Variants in NOX4 observed in about 807,000 individuals in gnomAD.
The protein encoded by NOX4 is kidney oxidase-1.
Under a neutral mutation model 87.6 loss-of-function variants are expected in NOX4, and 69 were observed. That is an observed-to-expected ratio of 0.79 (90% CI 0.65 to 0.96). NOX4 has a LOEUF of 0.96. Among genes scored for constraint, NOX4 ranks in the 40% least tolerant of loss-of-function variants. NOX4 has a pLI of 0.00. For synonymous variants in NOX4, 275 were observed against 238.2 expected, an observed-to-expected ratio of 1.15 and a Z score of -1.42; for missense variants, 680 against 681.5, an observed-to-expected ratio of 1.00 and a Z score of 0.02.
At chr11:89,427,339 G>C (rs1040931948) in intron 7 of NOX4, among the ~76,000 whole-genome samples, 1 of 152,172 alleles carries the variant, frequency 6.6e-6, no homozygotes, top group African/African-American at 2.4e-5. Context: ...AAGGAACGCA[G>C]CTCCTCACTA....
chr11:89,441,628 G>C (rs1339743006), intron 5 of NOX4, among the ~76,000 whole-genome samples: 2 of 152,000 alleles, frequency 1.3e-5, no homozygotes, highest in African/African-American at 4.8e-5. Flanking sequence ...TAAGAAAACT[G>C]AATATATAAA....
At chr11:89,381,892 C>T (rs1388983062) in intron 11 of NOX4, among the ~76,000 whole-genome samples, 1 of 152,192 alleles carries the variant, frequency 6.6e-6, no homozygotes, top group Non-Finnish European at 1.5e-5. Flanking sequence ...AATCTTGGTG[C>T]CACCCTTGGG....
intron 7 of NOX4, among the ~76,000 whole-genome samples, chr11:89,427,532 C>A (rs571383556): frequency 1.3e-5 from 2 of 152,172 alleles, no homozygotes; most frequent in East Asian, 3.9e-4. Flanking sequence ...CCTTAAATGA[C>A]CTGATGGAGC....
rs184413406 is a variant in NOX4, at chr11:89,371,459, G to T, written c.1135+1973C>A. On this transcript the variant is annotated intron_variant, in intron 12 of 17. Transcript: ENST00000263317. ...ACATCATTTATTTTAATGAGCTACT[G>T]GTAATAAAAAATAACTTTGTGAAAA... Among the ~76,000 whole-genome samples the T allele has an allele frequency of 3.2e-3, 492 of 151,818 alleles. 3 individuals are homozygous for T. Among genetic ancestry groups the T allele is most frequent in the African/African-American group, 0.011 (470 of 41,506 alleles).
chr11:89,352,572 A>G (rs1198692622), intron 13 of NOX4, among the ~76,000 whole-genome samples: 1 of 152,206 alleles, frequency 6.6e-6, no homozygotes, highest in Non-Finnish European at 1.5e-5. Context: ...AGGAAGTCAT[A>G]ATATCAACAT....
chr11:89,586,562 T>C, the NOX4 span, among the ~76,000 whole-genome samples: 2 of 152,278 alleles, frequency 1.3e-5, no homozygotes, highest in East Asian at 1.9e-4. Context: ...GCACTGGTAA[T>C]ATAAAGATCA....
rs527709258 is a variant in NOX4, at chr11:89,428,832, C to A, written c.548+3952G>T. Reference sequence around the variant, plus strand: ...GAGACAGAAAGTTAACAAGGATATCCAGGAATTGAACTCAGCTCTGCACCA... The same window carrying A: ...GAGACAGAAAGTTAACAAGGATATCAAGGAATTGAACTCAGCTCTGCACCA... On this transcript the variant is annotated intron_variant, in intron 7 of 17. Coordinates refer to ENST00000263317, the MANE Select transcript of NOX4 (RefSeq NM_016931.5). Among the ~76,000 whole-genome samples, 3 of 152,212 alleles carry A rather than the reference C, an allele frequency of 2.0e-5. No homozygotes were observed. The East Asian group carries it at 5.8e-4, about 29-fold the overall frequency.
At chr11:89,463,404 T>C (rs1201499874) in intron 2 of NOX4, among the ~76,000 whole-genome samples, 1 of 152,008 alleles carries the variant, frequency 6.6e-6, no homozygotes, top group Non-Finnish European at 1.5e-5. Context: ...CCACACTTTT[T>C]ATATGAATAG....
the NOX4 span, among the ~76,000 whole-genome samples, chr11:89,552,587 C>A: frequency 6.6e-6 from 1 of 152,156 alleles, no homozygotes; most frequent in Non-Finnish European, 1.5e-5. Flanking sequence ...TCCTCAGTTA[C>A]ATTTATTTAT....
intron 13 of NOX4, among the ~76,000 whole-genome samples, chr11:89,351,698 G>A (rs918290705): frequency 3.8e-4 from 58 of 152,142 alleles, no homozygotes; most frequent in African/African-American, 1.2e-3. Flanking sequence ...AAAGAACAAA[G>A]TCCAGACGAA....
At chr11:89,558,657 C>T in the NOX4 span, among the ~76,000 whole-genome samples, 1 of 152,052 alleles carries the variant, frequency 6.6e-6, no homozygotes, top group African/African-American at 2.4e-5. Flanking sequence ...TACATTGAGC[C>T]CATCTTTATC....
the NOX4 span, among the ~76,000 whole-genome samples, chr11:89,532,702 C>T: frequency 3.3e-5 from 5 of 152,008 alleles, no homozygotes; most frequent in South Asian, 2.1e-4. Context: ...GGGCCAGGGG[C>T]AGAATGATAT....
intron 1 of NOX4, chr11:89,490,765 A>T: frequency 1.4e-6 from 1 of 695,406 alleles, no homozygotes; most frequent in Non-Finnish European, 2.6e-6. Flanking sequence ...GAGACTAAGC[A>T]TTTGGGTTGC....
intron 7 of NOX4, among the ~76,000 whole-genome samples, chr11:89,427,293 G>A (rs1206699967): frequency 6.6e-6 from 1 of 152,110 alleles, no homozygotes; most frequent in Non-Finnish European, 1.5e-5. Flanking sequence ...CAGAAAAGCT[G>A]AAAATTCTAA....
the NOX4 span, among the ~76,000 whole-genome samples, chr11:89,505,333 G>A: frequency 1.1e-4 from 17 of 152,004 alleles, no homozygotes; most frequent in African/African-American, 2.9e-4. Flanking sequence ...TAATGAGCCC[G>A]ATAAGTTGTT....
At chr11:89,492,399 TTAAAA>T (rs1403183567), upstream of NOX4, among the ~76,000 whole-genome samples, 3 of 152,210 alleles carry the variant, frequency 2.0e-5, no homozygotes, top group Non-Finnish European at 4.4e-5. Context: ...TTTTAAACTC[TTAAAA>T]TAAAAAATCT....
At chr11:89,535,575 G>C in the NOX4 span, among the ~76,000 whole-genome samples, 1 of 151,930 alleles carries the variant, frequency 6.6e-6, no homozygotes, top group Non-Finnish European at 1.5e-5. Context: ...TCTGCTTTTT[G>C]CTTTCCCTCT....
intron 5 of NOX4, among the ~76,000 whole-genome samples, chr11:89,442,901 T>A (rs1199532636): frequency 6.6e-6 from 1 of 152,084 alleles, no homozygotes; most frequent in East Asian, 1.9e-4. Flanking sequence ...AAGGAAATGT[T>A]GGAACAGGGG....
chr11:89,453,724 C>G (rs1019870113), intron 2 of NOX4, among the ~76,000 whole-genome samples: 59 of 152,102 alleles, frequency 3.9e-4, no homozygotes, highest in African/African-American at 1.4e-3. Flanking sequence ...TATTGAGTCA[C>G]AGTGAAGTTA....
Sources: gnomAD v4.1 joint callset for allele counts (sites outside exome capture counted in the v4.1 genomes callset) on GRCh38, gnomAD v4.1.1 for gene constraint, MANE v1.5 for transcripts, NCBI Gene and HGNC (gene_info 2026-07-23, HGNC 2026-07-21) for gene names.